USP24: variants seen among roughly 807,000 people sequenced by gnomAD.
USP24 encodes ubiquitin carboxyl-terminal hydrolase 24.
In USP24, 97 loss-of-function variants were observed where a neutral mutation model predicts 361.6. The observed-to-expected ratio is 0.27, with a 90% CI of 0.23 to 0.32. The LOEUF (loss-of-function observed/expected upper bound fraction) is 0.32, where lower values mean the gene tolerates loss of function less well. USP24 is among the 10% of genes least tolerant of loss of function. USP24 has a pLI of 1.00. For missense variants in USP24, 2,353 were observed against 3,165.6 expected (o/e 0.74, Z 6.16); for synonymous variants, 1,098 against 1,124.6 (o/e 0.98, Z 0.47).
At chr1:55,151,525 G>T (rs1647191060) in intron 16 of USP24, among the ~76,000 whole-genome samples, 1 of 152,180 alleles carries the variant, frequency 6.6e-6, no homozygotes, top group African/African-American at 2.4e-5. Flanking sequence ...CAGGCGCTAT[G>T]GTAGGTGGCC....
rs1557654682 is a variant in USP24, at chr1:55,162,202, T to C, written c.990A>G (p.Val330=). Residue 330 remains valine, a synonymous_variant, in exon 8 of 68, where the codon GTA becomes GTG. Transcript: ENST00000294383. ...ATGTGAAATGGTTTAATCCTACCTG[T>C]ACCACGGAGGAATTGAGGTACTCTG... ...VCAEYLNSSV[V]QPMLDPVILT... 6.3e-7 allele frequency: 1 copy of C among 1,594,030 alleles called. No homozygotes were observed. Among genetic ancestry groups the C allele is most frequent in the Non-Finnish European group, 8.5e-7 (1 of 1,171,684 alleles).
intron 31 of USP24, among the ~76,000 whole-genome samples, chr1:55,132,198 C>T (rs948193070): frequency 6.6e-6 from 1 of 152,066 alleles, no homozygotes; most frequent in Non-Finnish European, 1.5e-5. Flanking sequence ...GAGACGGTGC[C>T]ATCTATGAAC....
At chr1:55,123,177 T>C (rs571146508) in intron 36 of USP24, among the ~76,000 whole-genome samples, 1 of 152,332 alleles carries the variant, frequency 6.6e-6, no homozygotes, top group Non-Finnish European at 1.5e-5. Context: ...TTTGGGCTCT[T>C]TGAATTCCTC....
At chr1:55,189,017 G>C (rs1644215728) in intron 1 of USP24, among the ~76,000 whole-genome samples, 1 of 144,226 alleles carries the variant, frequency 6.9e-6, no homozygotes, top group South Asian at 2.2e-4. Context: ...ACAAGTATTG[G>C]TGAGAATGTG....
intron 1 of USP24, among the ~76,000 whole-genome samples, chr1:55,184,564 A>G (rs1644073500): frequency 6.6e-6 from 1 of 152,220 alleles, no homozygotes; most frequent in South Asian, 2.1e-4. Flanking sequence ...ATACTCAAAC[A>G]ACACTATAAA....
intron 1 of USP24, among the ~76,000 whole-genome samples, chr1:55,199,061 G>A (rs866207277): frequency 3.5e-4 from 53 of 152,146 alleles, no homozygotes; most frequent in African/African-American, 1.1e-3. Flanking sequence ...AGGCCGAAGC[G>A]GGCAGATCAC....
At chr1:55,098,194 C>G (rs1645540904) in intron 46 of USP24, 110 bp from the exon 47 acceptor site, 2 of 1,304,332 alleles carry the variant, frequency 1.5e-6, no homozygotes, top group South Asian at 4.3e-5. Flanking sequence ...CTGGGAGTCC[C>G]TCAATATTTT....
intron 16 of USP24, chr1:55,151,990 C>A: frequency 1.0e-6 from 1 of 985,756 alleles, no homozygotes; most frequent in Non-Finnish European, 1.2e-6. Context: ...CAGGAAAGGG[C>A]ATAGCATAGA....
intron 58 of USP24, 122 bp from the exon 59 acceptor site, chr1:55,081,546 A>C: frequency 1.1e-6 from 1 of 925,550 alleles, no homozygotes; most frequent in Non-Finnish European, 1.7e-6. Flanking sequence ...TGCTTGACAG[A>C]AGAGGTCAAG....
chr1:55,094,777 T>C (rs1381221473), intron 51 of USP24, among the ~76,000 whole-genome samples: 1 of 150,092 alleles, frequency 6.7e-6, no homozygotes, highest in Non-Finnish European at 1.5e-5. Flanking sequence ...GATGGGAGTA[T>C]TGCTTGAGCC....
At chr1:55,112,840 ATCTG>A (rs1384849001) in intron 38 of USP24, among the ~76,000 whole-genome samples, 1 of 152,188 alleles carries the variant, frequency 6.6e-6, no homozygotes, top group Non-Finnish European at 1.5e-5. Context: ...TGTCTCATTG[ATCTG>A]TCTAATATTG....
intron 67 of USP24, among the ~76,000 whole-genome samples, chr1:55,069,544 G>C (rs1570321876): frequency 1.3e-5 from 2 of 152,216 alleles, no homozygotes; most frequent in South Asian, 4.1e-4. Context: ...TTACACACTT[G>C]GCGAATCGTT....
At chr1:55,109,351 T>TA (rs553431959) in intron 39 of USP24, among the ~76,000 whole-genome samples, 12 of 152,234 alleles carry the variant, frequency 7.9e-5, no homozygotes, top group Non-Finnish European at 1.2e-4. Flanking sequence ...TGAGGATTAT[T>TA]AGTCACTGTC....
chr1:55,086,200 T>G (rs1645247800), intron 55 of USP24, 162 bp from the exon 56 acceptor site: 1 of 632,494 alleles, frequency 1.6e-6, no homozygotes, highest in Admixed American at 2.8e-5. Context: ...ACTTCACTTC[T>G]GCTTATTCCT....
intron 31 of USP24, among the ~76,000 whole-genome samples, chr1:55,130,557 C>T (rs1646560606): frequency 6.6e-6 from 1 of 152,144 alleles, no homozygotes; most frequent in Non-Finnish European, 1.5e-5. Context: ...GAGTTTAGAA[C>T]TTAATGTGGG....
In USP24 at chr1:55,165,956, A is replaced by G; in HGVS notation, c.862-6T>C. The G allele has an allele frequency of 1.2e-6, 2 of 1,603,952 alleles. No homozygotes were observed. ...AATCCACCTAATTCTCCAAACTGAGAAGAAAAAAGGCACACATTAAGTTAT... is the reference window on the plus strand; with the variant it reads ...AATCCACCTAATTCTCCAAACTGAGGAGAAAAAAGGCACACATTAAGTTAT... On this transcript the variant is annotated splice_region_variant and splice_polypyrimidine_tract_variant and intron_variant, in intron 6 of 67. Transcript: ENST00000294383.
intron 46 of USP24, 89 bp downstream of exon 46, chr1:55,098,387 C>T: frequency 1.7e-6 from 2 of 1,203,324 alleles, no homozygotes; most frequent in African/African-American, 1.5e-5. Flanking sequence ...AGTTCTAAGT[C>T]TCTTAACAAA....
intron 1 of USP24, among the ~76,000 whole-genome samples, chr1:55,198,844 G>A (rs969430182): frequency 6.6e-6 from 1 of 152,132 alleles, no homozygotes; most frequent in Non-Finnish European, 1.5e-5. Context: ...AAGTATTTTC[G>A]TTTGGTTTTC....
At chr1:55,185,557 A>G (rs1644106363) in intron 1 of USP24, among the ~76,000 whole-genome samples, 1 of 151,934 alleles carries the variant, frequency 6.6e-6, no homozygotes, top group Admixed American at 6.6e-5. Context: ...AAACATCACT[A>G]CTTTTTATTT....
Sources: allele counts gnomAD v4.1 joint callset (sites outside exome capture counted in the v4.1 genomes callset), GRCh38; gene constraint gnomAD v4.1.1; transcripts MANE v1.5; gene names NCBI Gene and HGNC (gene_info 2026-07-23, HGNC 2026-07-21).